The following DLGAP5 variants were observed in gnomAD, a reference collection of about 807,000 sequenced individuals.
The protein encoded by DLGAP5 is disks large-associated protein 5.
Under a neutral mutation model 99.6 loss-of-function variants are expected in DLGAP5, and 90 were observed. That is an observed-to-expected ratio of 0.90 (90% CI 0.76 to 1.08). DLGAP5 has a LOEUF of 1.08. Among genes scored for constraint, DLGAP5 ranks in the 50% least tolerant of loss-of-function variants. The pLI is 0.00. For missense variants in DLGAP5, 1,036 were observed against 983.5 expected (o/e 1.05, Z -0.71); for synonymous variants, 311 against 321.3 (o/e 0.97, Z 0.34).
At position 55,176,952 on chromosome 14, in the gene DLGAP5, T is replaced by A. The variant is rs147235343; in HGVS notation, c.1049+110A>T. Reference sequence around the variant, plus strand: ...GAGATCACGCCACTGCACTCCAGCCTGGGCGACAGAGCGAACTCCGTCTGA... The same window carrying A: ...GAGATCACGCCACTGCACTCCAGCCAGGGCGACAGAGCGAACTCCGTCTGA... On this transcript the variant is annotated intron_variant, in intron 8 of 18. Transcript: ENST00000247191. 297 of 934,276 alleles carry A rather than the reference T, an allele frequency of 3.2e-4. 4 individuals are homozygous for A. In the East Asian group the frequency reaches 0.011, roughly 34 times the overall value. The allele number at this position is 934,276 out of a possible 1,614,324, so 57.9% of individuals were successfully genotyped here. A position where few individuals can be genotyped will look rare whatever the true frequency, so the allele number is the denominator to read the frequency against.
chr14:55,171,825 T>C (rs1882870134), intron 10 of DLGAP5, among the ~76,000 whole-genome samples: 1 of 152,112 alleles, frequency 6.6e-6, no homozygotes, highest in East Asian at 1.9e-4. Context: ...GAATGAACCT[T>C]GAGGACATTA....
In DLGAP5 at chr14:55,148,440, G is replaced by T. The variant is rs1232269122; in HGVS notation, c.2452C>A (p.Leu818Met). The stretch of plus-strand genomic sequence containing the variant: ...GCATGTTCTTGATGTCTCCTCTCCA[G>T]CTGAGTAAATGGATTACTGCAGTTT... ...GLNCSNPFTQ[L>M]ERRHQEHARH... Residue 818 changes from leucine to methionine, a missense_variant, in exon 19 of 19, where the codon CTG (leucine) becomes ATG (methionine). Coordinates refer to ENST00000247191, the MANE Select transcript of DLGAP5 (RefSeq NM_014750.5). The T allele has an allele frequency of 1.2e-6, 2 of 1,614,170 alleles. No individual in the cohort carries two copies. The highest frequency in any genetic ancestry group is 3.3e-5 in the Admixed American group (2 of 60,024).
intron 10 of DLGAP5, among the ~76,000 whole-genome samples, chr14:55,171,489 A>T (rs1882857725): frequency 6.6e-6 from 1 of 152,254 alleles, no homozygotes; most frequent in East Asian, 1.9e-4. Context: ...CCTAGCATGT[A>T]GAGAAACTGG....
In DLGAP5 at chr14:55,172,352, A is replaced by G. The variant is rs552121725; in HGVS notation, c.1302-1565T>C. Among the ~76,000 whole-genome samples, 5 of 152,030 alleles carry G rather than the reference A, an allele frequency of 3.3e-5. No individual in the cohort carries two copies. In the East Asian group the frequency reaches 7.7e-4, roughly 23 times the overall value. ...AAAAAAAAAAATACAAAAAAAAAAA[A>G]AAGTATTTAAAAGATAAATGAAAAT... On this transcript the variant is annotated intron_variant, in intron 10 of 18. Coordinates refer to ENST00000247191, the MANE Select transcript of DLGAP5 (RefSeq NM_014750.5).
intron 12 of DLGAP5, among the ~76,000 whole-genome samples, chr14:55,164,985 A>G (rs2140313394): frequency 6.6e-6 from 1 of 152,146 alleles, no homozygotes; most frequent in East Asian, 1.9e-4. Flanking sequence ...TTGCACTTCA[A>G]AACATGCCAT....
chr14:55,163,001 C>T lies in DLGAP5; in HGVS notation c.1623G>A (p.Met541Ile). 6.3e-7 allele frequency: 1 copy of T among 1,595,604 alleles called. No homozygotes were observed. Among genetic ancestry groups the T allele is most frequent in the African/African-American group, 1.3e-5 (1 of 74,366 alleles). The change falls in exon 13 of 19, where the codon ATG (methionine) becomes ATA (isoleucine). Residue 541 changes from methionine to isoleucine, a missense_variant. Transcript: ENST00000247191. ...AGACATTTTTGTTCATATTATGATT[C>T]ATATTATTATTGACTTGCCACCCAG... is the stretch of plus-strand genomic sequence containing the variant. ...EESGWQVNNN[M>I]NHNMNKNVFR...
intron 12 of DLGAP5, among the ~76,000 whole-genome samples, chr14:55,169,125 G>A (rs1161019199): frequency 2.9e-5 from 4 of 137,392 alleles, no homozygotes; most frequent in Non-Finnish European, 6.1e-5. Context: ...GCAGTGAGCC[G>A]AGATCACACC....
chr14:55,180,567 A>G (rs1338622266), intron 6 of DLGAP5, 89 bp downstream of exon 6: 1 of 1,559,574 alleles, frequency 6.4e-7, no homozygotes, highest in Admixed American at 1.8e-5. Context: ...TCCTACTCAA[A>G]GAAGTACTTG....
chr14:55,190,499 A>T (rs916381703), intron 1 of DLGAP5, among the ~76,000 whole-genome samples: 3 of 152,208 alleles, frequency 2.0e-5, no homozygotes, highest in Non-Finnish European at 4.4e-5. Context: ...TACCAAGCCA[A>T]ACTGGAGAAA....
At chr14:55,156,170 ATC>A (rs931902285) in intron 14 of DLGAP5, among the ~76,000 whole-genome samples, 6 of 152,156 alleles carry the variant, frequency 3.9e-5, no homozygotes, top group African/African-American at 1.4e-4. Flanking sequence ...GGCTCCAAGT[ATC>A]TCTGCAAGTG....
intron 13 of DLGAP5, among the ~76,000 whole-genome samples, chr14:55,162,605 C>T (rs1882484688): frequency 7.4e-6 from 1 of 134,974 alleles, no homozygotes; most frequent in South Asian, 2.3e-4. Context: ...GGTGATAGAG[C>T]GGGATTCCAT....
chr14:55,164,871 G>A (rs1250787852), intron 12 of DLGAP5, among the ~76,000 whole-genome samples: 2 of 148,154 alleles, frequency 1.3e-5, no homozygotes, highest in East Asian at 2.0e-4. Context: ...GCAGTGAGCC[G>A]AGATCATGCC....
chr14:55,160,977 G>GTTTC (rs10661984), intron 13 of DLGAP5, among the ~76,000 whole-genome samples: 84,008 of 151,368 alleles, frequency 0.55, 26,299 homozygotes, highest in African/African-American at 0.87. Flanking sequence ...GACACCACAG[G>GTTTC]TTTGTTTTAA....
At chr14:55,160,919 GGATA>G (rs565444663) in intron 13 of DLGAP5, among the ~76,000 whole-genome samples, 207 of 152,196 alleles carry the variant, frequency 1.4e-3, no homozygotes, top group South Asian at 3.1e-3. Flanking sequence ...GTCAGTGACT[GGATA>G]GAAAGAAAAA....
chr14:55,163,877 G>A (rs774761386), intron 12 of DLGAP5, among the ~76,000 whole-genome samples: 11 of 152,102 alleles, frequency 7.2e-5, no homozygotes, highest in Non-Finnish European at 1.5e-4. Flanking sequence ...TGGGTTGTTC[G>A]TTTCCTTCTT....
chr14:55,152,574 C>A lies in DLGAP5; in HGVS notation c.2121+16G>T, dbSNP rs776872600. The A allele has an allele frequency of 1.3e-6, 2 of 1,590,538 alleles. No individual in the cohort carries two copies. The highest frequency in any genetic ancestry group is 3.4e-5 in the Admixed American group (2 of 58,274). ...TGACATACTGGGCTATCTAACCACA[C>A]TGGAATTGTACTTACATGATTTTCT... On this transcript the variant is annotated intron_variant, in intron 16 of 18. Coordinates refer to ENST00000247191, the MANE Select transcript of DLGAP5 (RefSeq NM_014750.5).
In DLGAP5 at chr14:55,182,682, T is replaced by C. The variant is rs77104003; in HGVS notation, c.433-250A>G. 5.3e-4 allele frequency among the ~76,000 whole-genome samples: 81 copies of C among 152,308 alleles called. 1 individual carries two copies. The highest frequency in any genetic ancestry group is 1.8e-3 in the African/African-American group (76 of 41,582). On this transcript the variant is annotated intron_variant, in intron 3 of 18. Coordinates refer to ENST00000247191, the MANE Select transcript of DLGAP5 (RefSeq NM_014750.5). ...TATTTTCCAGGTATTGGAATCATCA[T>C]TAATATGAGCTTCTATCCTCTCTTA...
At chr14:55,187,778 C>T (rs1883481519) in intron 2 of DLGAP5, among the ~76,000 whole-genome samples, 1 of 152,082 alleles carries the variant, frequency 6.6e-6, no homozygotes, top group African/African-American at 2.4e-5. Flanking sequence ...GGGCTACAGG[C>T]CTGACTCCAA....
intron 18 of DLGAP5, among the ~76,000 whole-genome samples, chr14:55,149,412 C>A (rs549935101): frequency 6.6e-6 from 1 of 152,028 alleles, no homozygotes; most frequent in South Asian, 2.1e-4. Context: ...GCTCCTGAGA[C>A]ACAGGGCAGC....
Sources: gnomAD v4.1 joint callset for allele counts (sites outside exome capture counted in the v4.1 genomes callset) on GRCh38, gnomAD v4.1.1 for gene constraint, MANE v1.5 for transcripts, NCBI Gene and HGNC (gene_info 2026-07-23, HGNC 2026-07-21) for gene names.